CA13: variants seen among roughly 807,000 people sequenced by gnomAD.
CA13 encodes CA-XIII.
CA13 carries 21 observed loss-of-function variants against 31.5 expected under a neutral mutation model. That is an observed-to-expected ratio of 0.67 (90% confidence interval 0.47 to 0.96). The LOEUF (loss-of-function observed/expected upper bound fraction) is 0.96. Among genes scored for constraint, CA13 ranks in the 40% least tolerant of loss-of-function variants. The probability of loss-of-function intolerance (pLI) is 0.00; values close to 1 mark genes in which losing one functional copy is unlikely to be tolerated. For synonymous variants in CA13, 117 were observed against 111.4 expected, an observed-to-expected ratio of 1.05 and a Z score of -0.32; for missense variants, 315 against 318.9, an observed-to-expected ratio of 0.99 and a Z score of 0.09.
At position 85,281,391 on chromosome 8, in the gene CA13, G is replaced by A; in HGVS notation, c.*42G>A. On this transcript the variant is annotated 3_prime_UTR_variant, in exon 7 of 7. Transcript: ENST00000321764. The stretch of plus-strand genomic sequence containing the variant: ...ACTCCCCCAAACATGGCTGTGGAGA[G>A]ACAACAAAACAAAACAAAGCACAAA... 1 of 1,602,696 alleles carries A rather than the reference G, an allele frequency of 6.2e-7. No homozygotes were observed. Among genetic ancestry groups the A allele is most frequent in the Non-Finnish European group, 8.5e-7 (1 of 1,172,276 alleles).
At chr8:85,248,262 A>T (rs28564613) in intron 1 of CA13, among the ~76,000 whole-genome samples, 5 of 151,740 alleles carry the variant, frequency 3.3e-5, no homozygotes, top group African/African-American at 4.8e-5. Context: ...GTTCAAGACC[A>T]GACTGACCAA....
chr8:85,253,431 A>AT (rs1011874529), intron 2 of CA13, among the ~76,000 whole-genome samples: 1 of 151,296 alleles, frequency 6.6e-6, no homozygotes, highest in African/African-American at 2.4e-5. Context: ...TGCCCAGCTA[A>AT]TTTTTGTATT....
At chr8:85,265,824 T>C (rs1445576772) in intron 3 of CA13, among the ~76,000 whole-genome samples, 1 of 152,220 alleles carries the variant, frequency 6.6e-6, no homozygotes, top group Non-Finnish European at 1.5e-5. Flanking sequence ...ATGCTCTTAA[T>C]AAAAAAGTTT....
At chr8:85,268,119 G>A (rs2129987270) in intron 5 of CA13, among the ~76,000 whole-genome samples, 155 bp downstream of exon 5, 1 of 152,164 alleles carries the variant, frequency 6.6e-6, no homozygotes, top group South Asian at 2.1e-4. Flanking sequence ...CTTATCTTTT[G>A]AATGTAAAGG....
At chr8:85,258,759 CA>C (rs33933991) in intron 2 of CA13, among the ~76,000 whole-genome samples, 1,305 of 43,226 alleles carry the variant, frequency 0.03, 1 homozygote, top group African/African-American at 0.12. Flanking sequence ...CCTGTCTCTA[CA>C]AAAAAAAAAA....
At chr8:85,261,712 C>T (rs1353916837) in intron 3 of CA13, among the ~76,000 whole-genome samples, 2 of 152,160 alleles carry the variant, frequency 1.3e-5, no homozygotes, top group Non-Finnish European at 2.9e-5. Context: ...AGGCGTGAGC[C>T]ACCGCGCCCG....
At chr8:85,260,167 C>G (rs1018329146) in intron 3 of CA13, among the ~76,000 whole-genome samples, 5 of 152,006 alleles carry the variant, frequency 3.3e-5, no homozygotes, top group Non-Finnish European at 7.4e-5. Context: ...ACTCCTTTTT[C>G]CTTATAATTG....
chr8:85,246,498 G>T, intron 1 of CA13: 1 of 455,926 alleles, frequency 2.2e-6, no homozygotes, highest in South Asian at 1.5e-5. Flanking sequence ...TTACATTGTG[G>T]GTTACTTCTC....
At chr8:85,278,011 AG>A (rs1807640577) in intron 6 of CA13, among the ~76,000 whole-genome samples, 1 of 152,032 alleles carries the variant, frequency 6.6e-6, no homozygotes, top group East Asian at 1.9e-4. Context: ...TCTTTCACCC[AG>A]CATTTTGAAA....
intron 6 of CA13, among the ~76,000 whole-genome samples, chr8:85,269,209 T>C (rs560705401): frequency 6.6e-6 from 1 of 152,308 alleles, no homozygotes; most frequent in South Asian, 2.1e-4. Flanking sequence ...CTCAGCACTT[T>C]GGGAGGCTGA....
In CA13 at chr8:85,267,966, TA is replaced by T; in HGVS notation, c.513+6del. ...ACTTTGGATTCCATTAAAGAAAAGG[TA>T]AAATGAATTACTGTTAATAATTAAC... On this transcript the variant is annotated splice_donor_region_variant and intron_variant, in intron 5 of 6. Transcript: ENST00000321764. The T allele has an allele frequency of 1.3e-6, 2 of 1,526,870 alleles. No individual in the cohort carries two copies. The highest frequency in any genetic ancestry group is 1.4e-5 in the African/African-American group (1 of 73,180). 94.6% of individuals were successfully genotyped at this position (1,526,870 alleles called of 1,614,324 possible). A position where few individuals can be genotyped will look rare whatever the true frequency, so the allele number is the denominator to read the frequency against.
intron 3 of CA13, among the ~76,000 whole-genome samples, chr8:85,260,435 A>G (rs1284682131): frequency 1.3e-5 from 2 of 152,226 alleles, no homozygotes; most frequent in Non-Finnish European, 2.9e-5. Context: ...TCATGTTCTC[A>G]TGGTTACTGA....
intron 3 of CA13, among the ~76,000 whole-genome samples, chr8:85,260,092 T>C (rs1169527149): frequency 6.6e-6 from 1 of 152,094 alleles, no homozygotes; most frequent in Admixed American, 6.5e-5. Context: ...AGGTATAAAA[T>C]AAAAATCTGT....
At chr8:85,267,274 T>C in intron 4 of CA13, 1 of 986,112 alleles carries the variant, frequency 1.0e-6, no homozygotes, top group Non-Finnish European at 1.2e-6. Context: ...GAACAGAGAA[T>C]GCTTCACGGA....
intron 6 of CA13, among the ~76,000 whole-genome samples, chr8:85,271,315 G>A (rs1424990288): frequency 6.6e-6 from 1 of 152,206 alleles, no homozygotes; most frequent in Non-Finnish European, 1.5e-5. Flanking sequence ...TGAATACTAA[G>A]TGTAGTGTTT....
intron 2 of CA13, among the ~76,000 whole-genome samples, chr8:85,251,937 T>G (rs1813837415): frequency 6.6e-6 from 1 of 152,182 alleles, no homozygotes; most frequent in Non-Finnish European, 1.5e-5. Context: ...TAGACATCTT[T>G]CCAGATTAAA....
chr8:85,257,844 C>T (rs1807322885), intron 2 of CA13, among the ~76,000 whole-genome samples: 2 of 146,828 alleles, frequency 1.4e-5, no homozygotes, highest in African/African-American at 5.0e-5. Flanking sequence ...GTTGGCCAGG[C>T]TGGTCTCAAA....
At position 85,268,539 on chromosome 8, in the gene CA13, C is replaced by T; in HGVS notation, c.581C>T (p.Thr194Ile). The T allele has an allele frequency of 6.2e-7, 1 of 1,613,986 alleles. No homozygotes were observed. The highest frequency in any genetic ancestry group is 8.5e-7 in the Non-Finnish European group (1 of 1,179,884). The change falls in exon 6 of 7, where the codon ACA (threonine) becomes ATA (isoleucine). Residue 194 changes from threonine (T) to isoleucine (I), a missense_variant. Coordinates refer to ENST00000321764, the MANE Select transcript of CA13 (RefSeq NM_198584.3). The part of the protein sequence containing the change: ...SLLPPSWDYW[T>I]YPGSLTVPPL... ...CTTCCACCATCCTGGGACTACTGGA[C>T]ATATCCTGGTTCTCTTACAGTTCCA...
Position 85,259,529 on chromosome 8 carries a change from A to G in CA13, c.344A>G (p.Tyr115Cys), listed in dbSNP as rs367666975. 34 of 1,613,538 alleles carry G rather than the reference A, an allele frequency of 2.1e-5. No homozygotes were observed. In the East Asian group the frequency reaches 3.1e-4, roughly 15 times the overall value. ...GSEHIVDGVS[Y>C]AAELHVVHWN... ...GAGCACATAGTAGATGGAGTGAGCT[A>G]TGCTGCAGAGGTAAGCCATAAGACA... The change falls in exon 3 of 7, where the codon TAT becomes TGT. Residue 115 changes from tyrosine (Y) to cysteine (C), a missense_variant. Coordinates refer to ENST00000321764, the MANE Select transcript of CA13 (RefSeq NM_198584.3).
Sources: allele counts gnomAD v4.1 joint callset (sites outside exome capture counted in the v4.1 genomes callset), GRCh38; gene constraint gnomAD v4.1.1; transcripts MANE v1.5; gene names NCBI Gene and HGNC (gene_info 2026-07-23, HGNC 2026-07-21).